The following EIF2AK2 variants were observed in gnomAD, a reference collection of about 807,000 sequenced individuals.
EIF2AK2 encodes interferon-induced, double-stranded RNA-activated protein kinase.
Under a neutral mutation model 70.5 loss-of-function variants are expected in EIF2AK2, and 40 were observed. The ratio of observed to expected loss-of-function variants is 0.57; its 90% confidence interval spans 0.44 to 0.74. The LOEUF (loss-of-function observed/expected upper bound fraction) is 0.74. Among genes scored for constraint, EIF2AK2 ranks in the 30% least tolerant of loss-of-function variants. The pLI is 0.00. For synonymous variants in EIF2AK2, 198 were observed against 220.9 expected (o/e 0.90, Z 0.92); for missense variants, 555 against 644.3 (o/e 0.86, Z 1.50).
chr2:37,125,341 A>C (rs1354601782), intron 11 of EIF2AK2, among the ~76,000 whole-genome samples: 1 of 152,236 alleles, frequency 6.6e-6, no homozygotes, highest in Non-Finnish European at 1.5e-5. Flanking sequence ...CTCATCCCCT[A>C]GAATGACAAA....
intron 13 of EIF2AK2, among the ~76,000 whole-genome samples, chr2:37,119,296 C>T (rs912377709): frequency 5.3e-5 from 8 of 152,148 alleles, no homozygotes; most frequent in Non-Finnish European, 7.3e-5. Flanking sequence ...AATGCTTAAC[C>T]AAGACAGTAT....
chr2:37,121,791 A>C (rs1158197244), intron 12 of EIF2AK2, among the ~76,000 whole-genome samples: 2 of 152,116 alleles, frequency 1.3e-5, no homozygotes, highest in Non-Finnish European at 2.9e-5. Context: ...TCCTGAACTG[A>C]TGATAATGTT....
intron 3 of EIF2AK2, among the ~76,000 whole-genome samples, chr2:37,147,190 C>A (rs1369591343): frequency 6.6e-6 from 1 of 152,196 alleles, no homozygotes; most frequent in African/African-American, 2.4e-5. Context: ...AACTGTGGCT[C>A]CACCATGGTT....
chr2:37,113,983 G>C (rs1397237705), intron 14 of EIF2AK2, among the ~76,000 whole-genome samples: 2 of 152,130 alleles, frequency 1.3e-5, no homozygotes, highest in African/African-American at 2.4e-5. Context: ...AGAATTATTT[G>C]TTCTTGGGAC....
chr2:37,153,485 G>A (rs1301588538), intron 1 of EIF2AK2, among the ~76,000 whole-genome samples: 4 of 151,804 alleles, frequency 2.6e-5, no homozygotes, highest in Admixed American at 1.3e-4. Context: ...GACCATAGGC[G>A]TGGGCATGCC....
rs777537067 is a variant in EIF2AK2, at chr2:37,153,337, C to CTCT, written c.-184+3570_-184+3571insAGA. Among the ~76,000 whole-genome samples the CTCT allele has an allele frequency of 1.2e-3, 128 of 109,888 alleles. 9 individuals carry two copies. Among genetic ancestry groups the CTCT allele is most frequent in the African/African-American group, 4.0e-3 (122 of 30,258 alleles). The allele number at this position is 109,888 out of a possible 152,430, so 72.1% of individuals were successfully genotyped here. A position where few individuals can be genotyped will look rare whatever the true frequency, so the allele number is the denominator to read the frequency against. ...CCCAGTCCTTTCAGTCTCTGCTAAT[C>CTCT]TTTTTTTTTTTTTTTTTTTTTGAGA... On this transcript the variant is annotated intron_variant, in intron 1 of 16. Transcript: ENST00000233057.
chr2:37,156,120 G>T (rs971793428), intron 1 of EIF2AK2, among the ~76,000 whole-genome samples: 1 of 151,984 alleles, frequency 6.6e-6, no homozygotes, highest in East Asian at 1.9e-4. Context: ...GATAAGGGAG[G>T]GATTTCCCCA....
chr2:37,138,681 A>G (rs1417974006), intron 6 of EIF2AK2, 96 bp from the exon 7 acceptor site: 3 of 1,003,966 alleles, frequency 3.0e-6, no homozygotes, highest in South Asian at 1.5e-5. Flanking sequence ...ATTTCAACAC[A>G]TTTACCAAAT....
intron 14 of EIF2AK2, among the ~76,000 whole-genome samples, chr2:37,113,708 G>A (rs1438539974): frequency 6.6e-6 from 1 of 152,042 alleles, no homozygotes; most frequent in Non-Finnish European, 1.5e-5. Context: ...TGCAGAAAAT[G>A]TTTAAGTAAA....
At chr2:37,149,536 T>C (rs1408882290) in intron 1 of EIF2AK2, among the ~76,000 whole-genome samples, 1 of 148,200 alleles carries the variant, frequency 6.7e-6, no homozygotes, top group Non-Finnish European at 1.5e-5. Context: ...ATGTAGGGTG[T>C]AGGCAGGTCC....
chr2:37,145,059 GAA>G (rs1175018285), intron 4 of EIF2AK2, among the ~76,000 whole-genome samples: 1 of 149,014 alleles, frequency 6.7e-6, no homozygotes, highest in Admixed American at 6.7e-5. Context: ...TTTAAAAATA[GAA>G]AAAAGCTTAT....
chr2:37,135,641 T>C, intron 9 of EIF2AK2, 95 bp from the exon 10 acceptor site: 1 of 1,178,258 alleles, frequency 8.5e-7, no homozygotes, highest in Non-Finnish European at 1.2e-6. Flanking sequence ...TCTTTTTTTT[T>C]CTTCAGAGGC....
At chr2:37,144,881 CTTTGTTTTGT>C (rs200394253) in intron 4 of EIF2AK2, among the ~76,000 whole-genome samples, 1 of 150,940 alleles carries the variant, frequency 6.6e-6, no homozygotes, top group South Asian at 2.1e-4. Context: ...CACACCCAGC[CTTTGTTTTGT>C]TTTGTTTTGT....
intron 14 of EIF2AK2, among the ~76,000 whole-genome samples, chr2:37,112,320 G>C (rs1674190807): frequency 6.6e-6 from 1 of 152,182 alleles, no homozygotes; most frequent in Non-Finnish European, 1.5e-5. Flanking sequence ...GCACCACTAA[G>C]AAACTGGGGT....
chr2:37,102,276 GAAAC>G lies in EIF2AK2; in HGVS notation c.*4993_*4996del, dbSNP rs1234676096. 6.6e-6 allele frequency: 1 copy of G among 151,926 alleles called. No homozygotes were observed. The highest frequency in any genetic ancestry group is 1.5e-5 in the Non-Finnish European group (1 of 67,982). The allele number at this position is 151,926 out of a possible 1,614,324, so 9.4% of individuals were successfully genotyped here. A position where few individuals can be genotyped will look rare whatever the true frequency, so the allele number is the denominator to read the frequency against. On this transcript the variant is annotated 3_prime_UTR_variant, in exon 17 of 17. Transcript: ENST00000233057. ...ATTACAATTAAATACTTCACCAAAA[GAAAC>G]AAACAAAAAGTAAGGGGTTAGATGT...
intron 9 of EIF2AK2, chr2:37,136,773 C>G (rs939750636): frequency 2.1e-5 from 8 of 387,210 alleles, no homozygotes; most frequent in Non-Finnish European, 3.8e-5. Flanking sequence ...AGCGATACCC[C>G]CAAAGTGCTT....
Position 37,141,613 on chromosome 2 carries a change from T to C in EIF2AK2, c.329A>G (p.Gln110Arg). 4 of 1,614,156 alleles carry C rather than the reference T, an allele frequency of 2.5e-6. No individual in the cohort carries two copies. Among genetic ancestry groups the C allele is most frequent in the South Asian group, 1.1e-5 (1 of 91,080 alleles). The change falls in exon 5 of 17, where the codon CAG (glutamine) becomes CGG (arginine). Residue 110 changes from glutamine (Q) to arginine (R), a missense_variant. This residue lies in a region of EIF2AK2 where 208 missense variants were observed against 191.8 expected (regional missense o/e 1.08). Transcript: ENST00000233057. Reference sequence around the variant, plus strand: ...ATAATTTACAGTTAGTCTTTTCTTCTGGGCAATTCTATTGATAAGGCCTAT... The same window carrying C: ...ATAATTTACAGTTAGTCTTTTCTTCCGGGCAATTCTATTGATAAGGCCTAT... The part of the protein sequence containing the change: ...NYIGLINRIA[Q>R]KKRLTVNYEQ...
intron 11 of EIF2AK2, among the ~76,000 whole-genome samples, chr2:37,122,985 G>C (rs907146543): frequency 6.6e-6 from 1 of 152,032 alleles, no homozygotes; most frequent in Non-Finnish European, 1.5e-5. Flanking sequence ...GACCAACATG[G>C]TGAAACCCCA....
intron 13 of EIF2AK2, chr2:37,115,082 C>G (rs183127106): frequency 5.1e-6 from 1 of 194,750 alleles, no homozygotes; most frequent in East Asian, 1.4e-4. Context: ...GAGTCTCGCT[C>G]TGTCACCCAA....
Sources: allele counts gnomAD v4.1 joint callset (sites outside exome capture counted in the v4.1 genomes callset), GRCh38; gene constraint gnomAD v4.1.1; regional missense constraint gnomAD v4.1.1; transcripts MANE v1.5; gene names NCBI Gene and HGNC (gene_info 2026-07-23, HGNC 2026-07-21).